Variants in MFN2 observed in about 807,000 individuals in gnomAD.
MFN2 encodes the protein mitofusin 2.
In MFN2, 43 loss-of-function variants were observed where a neutral mutation model predicts 87.5. That is an observed-to-expected ratio of 0.49 (90% CI 0.38 to 0.63). The LOEUF (loss-of-function observed/expected upper bound fraction) is 0.63. MFN2 is among the 30% of genes least tolerant of loss of function. The pLI is 0.00. For missense variants in MFN2, 743 were observed against 972.8 expected, an observed-to-expected ratio of 0.76 and a Z score of 3.14; for synonymous variants, 337 against 359.9, an observed-to-expected ratio of 0.94 and a Z score of 0.72.
At chr1:12,009,528 G>A (rs1484732179) in intron 17 of MFN2, 64 bp from the exon 18 acceptor site, 3 of 1,610,550 alleles carry the variant, frequency 1.9e-6, no homozygotes, top group Non-Finnish European at 1.7e-6. Context: ...CTGTGGGTGG[G>A]CTAAGCCACC....
At chr1:11,994,873 G>A (rs572468763) in intron 4 of MFN2, among the ~76,000 whole-genome samples, 8 of 152,316 alleles carry the variant, frequency 5.3e-5, no homozygotes, top group African/African-American at 1.9e-4. Flanking sequence ...AACTCAGAAT[G>A]AGAAACACTG....
In MFN2 at chr1:12,001,986, G is replaced by GCATC; in HGVS notation, c.1044_1047dup (p.Ser350HisfsTer11). 6.2e-7 allele frequency: 1 copy of GCATC among 1,614,172 alleles called. No individual in the cohort carries two copies. The highest frequency in any genetic ancestry group is 8.5e-7 in the Non-Finnish European group (1 of 1,180,038). Reference sequence around the variant, plus strand: ...CCGTGCCTCTGTGTGTTCCAGGAGTGCATCTCCCAGTCTGCAGTGAAGACC... The same window carrying GCATC: ...CCGTGCCTCTGTGTGTTCCAGGAGTGCATCCATCTCCCAGTCTGCAGTGAAGACC... On this transcript the variant is annotated frameshift_variant, in exon 11 of 19. Transcript: ENST00000235329. LOFTEE classifies it high-confidence loss of function.
intron 3 of MFN2, among the ~76,000 whole-genome samples, chr1:11,990,294 GGC>G (rs1638619890): frequency 6.6e-6 from 1 of 152,244 alleles, no homozygotes; most frequent in Non-Finnish European, 1.5e-5. Flanking sequence ...CCCTTTGCGT[GGC>G]GCTTGATGCC....
At chr1:12,000,670 A>G (rs1249087785) in intron 8 of MFN2, among the ~76,000 whole-genome samples, 1 of 152,206 alleles carries the variant, frequency 6.6e-6, no homozygotes, top group Non-Finnish European at 1.5e-5. Context: ...GTAGAACCCC[A>G]GGATGTCAGA....
Position 12,011,929 on chromosome 1 carries a change from C to T in MFN2, c.*364C>T. The stretch of plus-strand genomic sequence containing the variant: ...CATGGAAGCCTTTGAGGGTATCACA[C>T]AGACACCCCCACCTTCCTCCAGCCT... On this transcript the variant is annotated 3_prime_UTR_variant, in exon 19 of 19. Transcript: ENST00000235329. 2 of 330,904 alleles carry T rather than the reference C, an allele frequency of 6.0e-6. No individual in the cohort carries two copies. Among genetic ancestry groups the T allele is most frequent in the South Asian group, 6.6e-5 (2 of 30,528 alleles). The allele number at this position is 330,904 out of a possible 1,614,324, so 20.5% of individuals were successfully genotyped here.
Position 12,013,281 on chromosome 1 carries a change from G to C in MFN2, c.*1716G>C, listed in dbSNP as rs772365631. 2.3e-6 allele frequency: 1 copy of C among 426,674 alleles called. No individual in the cohort carries two copies. The highest frequency in any genetic ancestry group is 4.9e-6 in the Non-Finnish European group (1 of 205,246). 26.4% of individuals were successfully genotyped at this position (426,674 alleles called of 1,614,324 possible). ...ATGAAATTTTGAGCTTCTTCAATACGTAAAATTAAATTTATACCACTGAGG... is the reference window on the plus strand; with the variant it reads ...ATGAAATTTTGAGCTTCTTCAATACCTAAAATTAAATTTATACCACTGAGG... On this transcript the variant is annotated 3_prime_UTR_variant, in exon 19 of 19. Transcript: ENST00000235329.
intron 18 of MFN2, among the ~76,000 whole-genome samples, chr1:12,011,029 C>A (rs1345332980): frequency 1.3e-5 from 2 of 152,166 alleles, no homozygotes; most frequent in African/African-American, 4.8e-5. Flanking sequence ...GGATGTGCCC[C>A]CCCCGCACCC....
rs572117726 is a variant in MFN2, at chr1:11,998,538, ACT to A, written c.600-229_600-228del. ...ACTCCAGCCCGGGCGACAGAGCAAG[ACT>A]CTATATCCAAAAACAAAACAAAACA... is the stretch of plus-strand genomic sequence containing the variant. On this transcript the variant is annotated intron_variant, in intron 6 of 18. Coordinates refer to ENST00000235329, the MANE Select transcript of MFN2 (RefSeq NM_014874.4). Among the ~76,000 whole-genome samples, 343 of 135,422 alleles carry A rather than the reference ACT, an allele frequency of 2.5e-3. 1 individual carries two copies. The highest frequency in any genetic ancestry group is 9.0e-3 in the African/African-American group (324 of 36,146). 88.8% of individuals were successfully genotyped at this position (135,422 alleles called of 152,430 possible). A position where few individuals can be genotyped will look rare whatever the true frequency, so the allele number is the denominator to read the frequency against.
Position 11,992,376 on chromosome 1 carries a change from C to A in MFN2, c.176-179C>A, listed in dbSNP as rs114459433. ...CCAGGCAGTGTTGCTCCTGAGCCAT[C>A]TTCTTAACCACCACACCGTGGGGCC... On this transcript the variant is annotated intron_variant, in intron 3 of 18. Coordinates refer to ENST00000235329, the MANE Select transcript of MFN2 (RefSeq NM_014874.4). 4.5e-3 allele frequency: 3,373 copies of A among 750,610 alleles called. 71 individuals are homozygous for A. The African/African-American group carries it at 0.047, about 10-fold the overall frequency. 46.5% of individuals were successfully genotyped at this position (750,610 alleles called of 1,614,324 possible). A position where few individuals can be genotyped will look rare whatever the true frequency, so the allele number is the denominator to read the frequency against.
Position 12,004,908 on chromosome 1 carries a change from C to T in MFN2, c.1476C>T (p.Thr492=), listed in dbSNP as rs143428548. 36 of 1,610,950 alleles carry T rather than the reference C, an allele frequency of 2.2e-5. No individual in the cohort carries two copies. The highest frequency in any genetic ancestry group is 4.5e-5 in the East Asian group (2 of 44,644). ...CGGCCATCACCAACTCCCTGCAGACCATGCAGCAGGACATGATAGGTTAGT... is the reference window on the plus strand; with the variant it reads ...CGGCCATCACCAACTCCCTGCAGACTATGCAGCAGGACATGATAGGTTAGT... The part of the protein sequence containing the change: ...CSTAITNSLQ[T]MQQDMIDGLK... The change falls in exon 14 of 19, where the codon ACC becomes ACT. Residue 492 remains threonine, a synonymous_variant. Transcript: ENST00000235329. The surrounding 1 kb of genome is among the most constrained non-coding windows in gnomAD (Gnocchi z 4.2).
intron 15 of MFN2, among the ~76,000 whole-genome samples, 175 bp downstream of exon 15, chr1:12,006,106 C>G (rs570824985): frequency 6.6e-6 from 1 of 152,284 alleles, no homozygotes; most frequent in South Asian, 2.1e-4. Flanking sequence ...TGGATTTGTT[C>G]TAAGCAGTGA....
At chr1:11,992,026 T>G (rs1638708287) in intron 3 of MFN2, among the ~76,000 whole-genome samples, 1 of 150,932 alleles carries the variant, frequency 6.6e-6, no homozygotes, top group Non-Finnish European at 1.5e-5. Context: ...CTCTGCCTTT[T>G]ACTAACTCCG....
At position 12,004,160 on chromosome 1, in the gene MFN2, C is replaced by G. The variant is rs74453521; in HGVS notation, c.1287+42C>G. 6.2e-7 allele frequency: 1 copy of G among 1,611,586 alleles called. No individual in the cohort carries two copies. Among genetic ancestry groups the G allele is most frequent in the Non-Finnish European group, 8.5e-7 (1 of 1,178,962 alleles). ...AGGCATTCTGGGAAGATTTGGACTC[C>G]GAGTAGAGTCCAGAAGAAAGCAGAC... is the stretch of plus-strand genomic sequence containing the variant. On this transcript the variant is annotated intron_variant, in intron 12 of 18. Transcript: ENST00000235329. The surrounding 1 kb of genome is among the most constrained non-coding windows in gnomAD (Gnocchi z 4.2).
chr1:12,006,752 GGGCTAGGTTCCTGCTGT>G, intron 16 of MFN2, 59 bp downstream of exon 16: 1 of 1,608,416 alleles, frequency 6.2e-7, no homozygotes, highest in Non-Finnish European at 8.5e-7. Context: ...CGGGGCCTGA[GGGCTAGGTTCCTGCTGT>G]GGCCCCTGCA....
chr1:12,008,403 G>A (rs1345152789), intron 17 of MFN2, among the ~76,000 whole-genome samples: 2 of 130,700 alleles, frequency 1.5e-5, no homozygotes, highest in East Asian at 4.8e-4. Context: ...CGGACGGGGT[G>A]GCTGGCCGGG....
intron 5 of MFN2, 59 bp downstream of exon 5, chr1:11,996,377 G>A: frequency 1.2e-6 from 2 of 1,605,446 alleles, no homozygotes; most frequent in Non-Finnish European, 1.7e-6. Context: ...GTCCTCCGTT[G>A]TGACACGGCT....
intron 3 of MFN2, 165 bp from the exon 4 acceptor site, chr1:11,992,390 C>A: frequency 1.2e-6 from 1 of 843,976 alleles, no homozygotes; most frequent in Non-Finnish European, 2.0e-6. Flanking sequence ...TTAACCACCA[C>A]ACCGTGGGGC....
Position 12,004,747 on chromosome 1 carries a change from C to A in MFN2, c.1393-78C>A. ...CAAGGCCCAGGCTTCCGTCAGCCTT[C>A]TGGGGTCACCTGGTGGATGTGGCCT... On this transcript the variant is annotated intron_variant, in intron 13 of 18. Transcript: ENST00000235329. This position sits in a 1 kb window ranked among gnomAD's most constrained non-coding sequence, Gnocchi z 4.2. The A allele has an allele frequency of 1.3e-6, 2 of 1,517,570 alleles. No homozygotes were observed. The highest frequency in any genetic ancestry group is 1.8e-6 in the Non-Finnish European group (2 of 1,095,638). The allele number at this position is 1,517,570 out of a possible 1,614,324, so 94.0% of individuals were successfully genotyped here.
In MFN2 at chr1:12,004,706, G is replaced by C. The variant is rs537131324; in HGVS notation, c.1392+93G>C. ...GGGTCAGGGCCCCCCAGCAGTGACA[G>C]TAGAAGCCACAGAGACAAGGCCCAG... is the stretch of plus-strand genomic sequence containing the variant. On this transcript the variant is annotated intron_variant, in intron 13 of 18. Transcript: ENST00000235329. The surrounding 1 kb of genome is among the most constrained non-coding windows in gnomAD (Gnocchi z 4.2). 2.9e-5 allele frequency: 43 copies of C among 1,497,518 alleles called. No homozygotes were observed. The highest frequency in any genetic ancestry group is 2.0e-4 in the Admixed American group (12 of 58,816). 92.8% of individuals were successfully genotyped at this position (1,497,518 alleles called of 1,614,324 possible).
Sources: gnomAD v4.1 joint callset for allele counts (sites outside exome capture counted in the v4.1 genomes callset) on GRCh38, gnomAD v4.1.1 for gene constraint, Gnocchi (gnomAD v3.1) non-coding constraint, MANE v1.5 for transcripts, NCBI Gene and HGNC (gene_info 2026-07-23, HGNC 2026-07-21) for gene names.